SLCO3A1: variants seen among roughly 807,000 people sequenced by gnomAD.
SLCO3A1 encodes the protein solute carrier organic anion transporter family member 3A1.
Under a neutral mutation model 63.1 loss-of-function variants are expected in SLCO3A1, and 27 were observed. The ratio of observed to expected loss-of-function variants is 0.43; its 90% CI spans 0.32 to 0.59. The LOEUF is 0.59. Among genes scored for constraint, SLCO3A1 ranks in the 20% least tolerant of loss-of-function variants. The pLI is 0.09. For synonymous variants in SLCO3A1, 473 were observed against 409.9 expected (o/e 1.15, Z -1.86); for missense variants, 773 against 945.8 (o/e 0.82, Z 2.40).
At position 91,916,117 on chromosome 15, in the gene SLCO3A1, G is replaced by A; in HGVS notation, c.305G>A (p.Arg102His). 6.2e-7 allele frequency: 1 copy of A among 1,611,066 alleles called. No individual in the cohort carries two copies. Among genetic ancestry groups the A allele is most frequent in the Non-Finnish European group, 8.5e-7 (1 of 1,179,450 alleles). ...LILFVSYFGA[R>H]GHRPRLIGCG... Reference sequence around the variant, plus strand: ...CTCTTCGTGAGCTACTTCGGGGCACGCGGGCACCGGCCGCGCCTGATCGGC... The same window carrying A: ...CTCTTCGTGAGCTACTTCGGGGCACACGGGCACCGGCCGCGCCTGATCGGC... The change falls in exon 2 of 10, where the codon CGC (arginine) becomes CAC (histidine). Residue 102 changes from arginine to histidine, a missense_variant. By Grantham distance (29) the Arg-to-His change is conservative (BLOSUM62 0). Coordinates refer to ENST00000318445, the MANE Select transcript of SLCO3A1 (RefSeq NM_013272.4). This position sits in a 1 kb window ranked among gnomAD's most constrained non-coding sequence, Gnocchi z 6.2.
chr15:91,865,903 T>A lies in SLCO3A1; in HGVS notation c.180+11815T>A, dbSNP rs967680248. 6.6e-6 allele frequency among the ~76,000 whole-genome samples: 1 copy of A among 152,204 alleles called. No homozygotes were observed. Among genetic ancestry groups the A allele is most frequent in the Non-Finnish European group, 1.5e-5 (1 of 68,032 alleles). On this transcript the variant is annotated intron_variant, in intron 1 of 9. Transcript: ENST00000318445. This position sits in a 1 kb window ranked among gnomAD's most constrained non-coding sequence, Gnocchi z 4.6. ...GAGCAAAGGATCCTAAAACAGTCTG[T>A]GTGTACAAAGAAAACAAAGGCAAAC...
intron 6 of SLCO3A1, among the ~76,000 whole-genome samples, chr15:92,127,417 T>C (rs2047938864): frequency 6.6e-6 from 1 of 152,270 alleles, no homozygotes; most frequent in African/African-American, 2.4e-5. Flanking sequence ...TTATGACTTC[T>C]GTACTTTTGG....
intron 9 of SLCO3A1, among the ~76,000 whole-genome samples, chr15:92,158,116 C>G (rs531327652): frequency 6.6e-6 from 1 of 152,126 alleles, no homozygotes; most frequent in African/African-American, 2.4e-5. Flanking sequence ...AGGTGTCCAG[C>G]GAAATACTGA....
chr15:91,937,117 G>A (rs1899440937), intron 2 of SLCO3A1, among the ~76,000 whole-genome samples: 1 of 152,154 alleles, frequency 6.6e-6, no homozygotes, highest in South Asian at 2.1e-4. Context: ...CTGTGTATTT[G>A]TAGCTAAATA....
chr15:92,036,977 T>C (rs1235769122), intron 2 of SLCO3A1, among the ~76,000 whole-genome samples: 6 of 152,294 alleles, frequency 3.9e-5, no homozygotes, highest in Admixed American at 2.6e-4. Context: ...ATTATTTTCA[T>C]AAATAATAAA....
At chr15:92,085,210 C>A (rs1311304449) in intron 2 of SLCO3A1, among the ~76,000 whole-genome samples, 1 of 152,236 alleles carries the variant, frequency 6.6e-6, no homozygotes, top group South Asian at 2.1e-4. Flanking sequence ...GAATCCCACC[C>A]CACCTGCCCT....
chr15:92,071,215 G>A (rs1449518980), intron 2 of SLCO3A1, among the ~76,000 whole-genome samples: 1 of 152,208 alleles, frequency 6.6e-6, no homozygotes, highest in East Asian at 1.9e-4. Flanking sequence ...AGATGGTTGA[G>A]GAGCGGTTGG....
intron 2 of SLCO3A1, among the ~76,000 whole-genome samples, chr15:91,949,117 G>A (rs937442865): frequency 2.6e-5 from 4 of 151,916 alleles, no homozygotes; most frequent in Admixed American, 2.6e-4. Context: ...GGTTGGGGTG[G>A]GTGCATCAAA....
intron 7 of SLCO3A1, among the ~76,000 whole-genome samples, chr15:92,141,096 A>C (rs528888315): frequency 1.6e-4 from 24 of 152,240 alleles, no homozygotes; most frequent in Admixed American, 1.2e-3. Flanking sequence ...CCACCTTATT[A>C]TTAATATGAA....
At chr15:91,952,086 G>A (rs1488251907) in intron 2 of SLCO3A1, among the ~76,000 whole-genome samples, 3 of 152,078 alleles carry the variant, frequency 2.0e-5, no homozygotes, top group Non-Finnish European at 2.9e-5. Flanking sequence ...GGTATGAAGT[G>A]GTTTTGATTT....
chr15:91,876,411 C>T (rs910047140), intron 1 of SLCO3A1, among the ~76,000 whole-genome samples: 8 of 152,242 alleles, frequency 5.3e-5, no homozygotes, highest in Non-Finnish European at 1.0e-4. Context: ...CTGCCAACTT[C>T]AAGGGAGCAA....
intron 2 of SLCO3A1, among the ~76,000 whole-genome samples, chr15:92,083,154 G>T (rs1183611424): frequency 6.6e-6 from 1 of 152,180 alleles, no homozygotes; most frequent in Non-Finnish European, 1.5e-5. Context: ...CGTCACCCGT[G>T]TGTACCAGCC....
intron 2 of SLCO3A1, among the ~76,000 whole-genome samples, chr15:92,019,568 C>G (rs1428091517): frequency 6.6e-6 from 1 of 152,212 alleles, no homozygotes; most frequent in East Asian, 1.9e-4. Context: ...CAGCAGGAAA[C>G]TTGAACTGCA....
intron 2 of SLCO3A1, among the ~76,000 whole-genome samples, chr15:92,077,342 A>C (rs959500871): frequency 2.6e-5 from 4 of 151,546 alleles, no homozygotes; most frequent in Non-Finnish European, 5.9e-5. Context: ...CTTTTCGGAG[A>C]TGGTCATTTT....
chr15:91,915,942 T>C (rs1567183535), intron 1 of SLCO3A1, 51 bp from the exon 2 acceptor site: 1 of 1,490,006 alleles, frequency 6.7e-7, no homozygotes, highest in Non-Finnish European at 9.3e-7. Context: ...AGGAGAGGCT[T>C]CCTGGGCATC....
At chr15:92,144,200 C>T (rs1016098523) in intron 7 of SLCO3A1, among the ~76,000 whole-genome samples, 22 of 152,198 alleles carry the variant, frequency 1.4e-4, no homozygotes, top group Non-Finnish European at 2.9e-4. Context: ...ACCCCTGTAA[C>T]CTAAGACAGA....
In SLCO3A1 at chr15:91,859,393, T is replaced by C. The variant is rs1028028441; in HGVS notation, c.180+5305T>C. On this transcript the variant is annotated intron_variant, in intron 1 of 9. Coordinates refer to ENST00000318445, the MANE Select transcript of SLCO3A1 (RefSeq NM_013272.4). The surrounding 1 kb of genome is among the most constrained non-coding windows in gnomAD (Gnocchi z 5.1). ...AAACAGTGGAATCATGGACCTTGGCTCATAGGATAAATGAATTGATGTGAT... is the reference window on the plus strand; with the variant it reads ...AAACAGTGGAATCATGGACCTTGGCCCATAGGATAAATGAATTGATGTGAT... 3.9e-5 allele frequency among the ~76,000 whole-genome samples: 6 copies of C among 152,232 alleles called. No individual in the cohort carries two copies. Among genetic ancestry groups the C allele is most frequent in the Non-Finnish European group, 8.8e-5 (6 of 68,038 alleles).
intron 7 of SLCO3A1, among the ~76,000 whole-genome samples, chr15:92,143,222 C>T (rs1391936218): frequency 6.9e-6 from 1 of 144,640 alleles, no homozygotes; most frequent in African/African-American, 2.6e-5. Flanking sequence ...AACTTCAGTC[C>T]CAAATCTTTT....
chr15:91,906,707 G>T (rs936142802), intron 1 of SLCO3A1, among the ~76,000 whole-genome samples: 2 of 152,224 alleles, frequency 1.3e-5, no homozygotes, highest in African/African-American at 4.8e-5. Flanking sequence ...TGGCACCACA[G>T]AAGTTGGTGT....
Sources: gnomAD v4.1 joint callset for allele counts (sites outside exome capture counted in the v4.1 genomes callset) on GRCh38, gnomAD v4.1.1 for gene constraint, Gnocchi (gnomAD v3.1) non-coding constraint, MANE v1.5 for transcripts, NCBI Gene and HGNC (gene_info 2026-07-23, HGNC 2026-07-21) for gene names.